ACCSL: variants seen among roughly 807,000 people sequenced by gnomAD.
The protein encoded by ACCSL is probable inactive 1-aminocyclopropane-1-carboxylate synthase-like protein 2.
In ACCSL, 55 loss-of-function variants were observed where a neutral mutation model predicts 61.7. The observed-to-expected ratio is 0.89, with a 90% CI of 0.72 to 1.12. ACCSL has a LOEUF of 1.12. ACCSL is among the 50% of genes most tolerant of loss of function. The pLI, the probability that ACCSL is intolerant of heterozygous loss-of-function variation, is 0.00. For missense variants in ACCSL, 632 were observed against 698.0 expected, an observed-to-expected ratio of 0.91 and a Z score of 1.07; for synonymous variants, 258 against 264.3, an observed-to-expected ratio of 0.98 and a Z score of 0.23.
the ACCSL span, among the ~76,000 whole-genome samples, chr11:44,042,025 T>C: frequency 6.6e-6 from 1 of 152,234 alleles, no homozygotes; most frequent in Non-Finnish European, 1.5e-5. Flanking sequence ...TACATTCTCA[T>C]ATAACCCCAC....
chr11:44,004,967 T>C, the ACCSL span, among the ~76,000 whole-genome samples: 52 of 152,280 alleles, frequency 3.4e-4, no homozygotes, highest in East Asian at 5.0e-3. Flanking sequence ...ACCAAGGCCA[T>C]TGGGACACTT....
chr11:43,987,901 G>A, the ACCSL span, among the ~76,000 whole-genome samples: 128,527 of 152,156 alleles, frequency 0.84, 54,368 homozygotes, highest in African/African-American at 0.88. Flanking sequence ...TTTTCCTTTC[G>A]GGCATTTCAG....
At chr11:44,016,381 T>C in the ACCSL span, among the ~76,000 whole-genome samples, 134 of 152,246 alleles carry the variant, frequency 8.8e-4, no homozygotes, top group African/African-American at 3.2e-3. Flanking sequence ...AAGCATCTGC[T>C]TCTGTCCTAG....
chr11:43,970,501 G>A, the ACCSL span, among the ~76,000 whole-genome samples: 1 of 152,180 alleles, frequency 6.6e-6, no homozygotes, highest in African/African-American at 2.4e-5. Context: ...ACCATGCCTA[G>A]CCTGTAATAA....
the ACCSL span, among the ~76,000 whole-genome samples, chr11:44,026,988 A>G: frequency 6.6e-6 from 1 of 152,218 alleles, no homozygotes; most frequent in Non-Finnish European, 1.5e-5. Flanking sequence ...TTGGCCTCCC[A>G]AAGTGCTGGG....
chr11:43,974,031 C>G, the ACCSL span: 1 of 152,240 alleles, frequency 6.6e-6, no homozygotes, highest in Admixed American at 6.5e-5. Flanking sequence ...ATCCTTGTCT[C>G]TTTTCTTCAC....
the ACCSL span, among the ~76,000 whole-genome samples, chr11:44,022,752 T>G: frequency 1.3e-5 from 2 of 152,190 alleles, no homozygotes; most frequent in African/African-American, 2.4e-5. Context: ...AGTATTTTGT[T>G]GAGGATTTTT....
At chr11:44,047,618 T>C (rs188725188), upstream of ACCSL, among the ~76,000 whole-genome samples, 1 of 152,356 alleles carries the variant, frequency 6.6e-6, no homozygotes, top group East Asian at 1.9e-4. Context: ...TCTAGCAGAA[T>C]GTTTTACTCA....
the ACCSL span, chr11:43,942,282 AC>A: frequency 6.0e-6 from 1 of 166,488 alleles, no homozygotes; most frequent in Non-Finnish European, 1.3e-5. Context: ...GGGGAGGGGG[AC>A]CTGCGGCCCC....
At chr11:43,962,939 T>TG in the ACCSL span, among the ~76,000 whole-genome samples, 1 of 152,204 alleles carries the variant, frequency 6.6e-6, no homozygotes, top group Non-Finnish European at 1.5e-5. Flanking sequence ...CAGGGGAAGA[T>TG]GTTCTGCCTG....
In ACCSL at chr11:44,048,016, G is replaced by C; in HGVS notation, c.-21G>C. 2 of 1,597,188 alleles carry C rather than the reference G, an allele frequency of 1.3e-6. No homozygotes were observed. Among genetic ancestry groups the C allele is most frequent in the Non-Finnish European group, 1.7e-6 (2 of 1,167,260 alleles). On this transcript the variant is annotated 5_prime_UTR_variant, in exon 1 of 14. Transcript: ENST00000378832. ...CATAGGTGCCAGGCAGCCTTCAGAG[G>C]CCAGTAAAGATACCCGGAGTATGAG...
intron 3 of ACCSL, among the ~76,000 whole-genome samples, chr11:44,050,909 T>C (rs1363273369): frequency 6.7e-6 from 1 of 149,422 alleles, no homozygotes; most frequent in Non-Finnish European, 1.5e-5. Flanking sequence ...TGGTGCTATC[T>C]CAGCTCACTG....
the ACCSL span, among the ~76,000 whole-genome samples, chr11:44,026,529 C>A: frequency 6.6e-6 from 1 of 152,142 alleles, no homozygotes; most frequent in African/African-American, 2.4e-5. Context: ...AACATCTGGG[C>A]ATTCTGAGGG....
the ACCSL span, among the ~76,000 whole-genome samples, chr11:43,939,685 C>G: frequency 1.1e-4 from 16 of 152,358 alleles, no homozygotes; most frequent in African/African-American, 3.8e-4. Flanking sequence ...TCTTGGTTCA[C>G]TGCCACCTCT....
At chr11:43,940,387 G>A in the ACCSL span, among the ~76,000 whole-genome samples, 3 of 145,724 alleles carry the variant, frequency 2.1e-5, no homozygotes, top group African/African-American at 7.6e-5. Flanking sequence ...ACGGAGTCTT[G>A]CTCCATTGCC....
At chr11:44,049,526 G>A (rs973563306) in intron 1 of ACCSL, among the ~76,000 whole-genome samples, 8 of 151,964 alleles carry the variant, frequency 5.3e-5, no homozygotes, top group Admixed American at 4.6e-4. Flanking sequence ...CAGCCAGAGG[G>A]TGGAGGGTGA....
At chr11:43,945,214 T>A in the ACCSL span, 1 of 152,258 alleles carries the variant, frequency 6.6e-6, no homozygotes, top group Non-Finnish European at 1.5e-5. Context: ...CAGGAGACTC[T>A]TAACCTGCAA....
the ACCSL span, among the ~76,000 whole-genome samples, chr11:43,997,497 G>A: frequency 5.3e-5 from 8 of 152,220 alleles, 1 homozygote; most frequent in Non-Finnish European, 7.4e-5. Context: ...TTCCAGTTGC[G>A]ATATTTTCCA....
the ACCSL span, among the ~76,000 whole-genome samples, chr11:43,973,260 T>C: frequency 3.3e-5 from 5 of 152,338 alleles, no homozygotes; most frequent in Admixed American, 2.6e-4. Context: ...CCAACACTAT[T>C]TTAGGCAAAT....
Sources: gnomAD v4.1 joint callset for allele counts (sites outside exome capture counted in the v4.1 genomes callset) on GRCh38, gnomAD v4.1.1 for gene constraint, MANE v1.5 for transcripts, NCBI Gene and HGNC (gene_info 2026-07-23, HGNC 2026-07-21) for gene names.